The following SAXO5 variants were observed in gnomAD, a reference collection of about 807,000 sequenced individuals.
The protein encoded by SAXO5 is stabilizer of axonemal microtubules 5.
chr19:7,506,600 G>A, the SAXO5 span: 53 of 326,896 alleles, frequency 1.6e-4, no homozygotes, highest in African/African-American at 1.2e-3. Context: ...GACTCATCTG[G>A]CCCGGCCCCG....
At chr19:7,501,196 T>A in the SAXO5 span, 3 of 1,535,254 alleles carry the variant, frequency 2.0e-6, no homozygotes, top group Non-Finnish European at 2.6e-6. Context: ...GGGATCGGCC[T>A]CTCCAACGCG....
At chr19:7,501,610 T>A in the SAXO5 span, among the ~76,000 whole-genome samples, 1 of 149,848 alleles carries the variant, frequency 6.7e-6, no homozygotes, top group African/African-American at 2.5e-5. Flanking sequence ...TCGCTTGAGG[T>A]CAAGAGTTCG....
At chr19:7,505,464 G>A in the SAXO5 span, 239 of 1,613,264 alleles carry the variant, frequency 1.5e-4, no homozygotes, top group Non-Finnish European at 2.0e-4. Flanking sequence ...GCCCCGTCCC[G>A]CCTCCCACCG....
the SAXO5 span, chr19:7,505,495 G>A: frequency 6.2e-7 from 1 of 1,613,930 alleles, no homozygotes; most frequent in Non-Finnish European, 8.5e-7. Context: ...GGGCAGCTCT[G>A]CACCTGTTCC....
chr19:7,502,324 G>A, the SAXO5 span, among the ~76,000 whole-genome samples: 15 of 152,122 alleles, frequency 9.9e-5, no homozygotes, highest in Non-Finnish European at 1.8e-4. Context: ...TGCCCTGGCA[G>A]GTCTTGAACT....
chr19:7,505,444 C>T, the SAXO5 span: 1 of 1,613,966 alleles, frequency 6.2e-7, no homozygotes, highest in Non-Finnish European at 8.5e-7. Context: ...CAGGTGAGAG[C>T]CTGAGGCCCG....
the SAXO5 span, chr19:7,506,092 T>C: frequency 0.64 from 1,034,342 of 1,611,786 alleles, 334,495 homozygotes; most frequent in African/African-American, 0.74. Flanking sequence ...ACTACTGCCC[T>C]TCAGAGTGGA....
At chr19:7,498,646 C>T in the SAXO5 span, among the ~76,000 whole-genome samples, 2 of 152,216 alleles carry the variant, frequency 1.3e-5, no homozygotes, top group Non-Finnish European at 2.9e-5. Context: ...CTGCCCACCT[C>T]GGCCTCCCAA....
At chr19:7,501,180 C>T in the SAXO5 span, 2 of 1,520,970 alleles carry the variant, frequency 1.3e-6, no homozygotes, top group South Asian at 1.2e-5. Flanking sequence ...CGAGGACGCG[C>T]ACGCCGGGAT....
the SAXO5 span, chr19:7,501,234 C>CCGGCGCGCACCCGAGAGCGGATCCG: frequency 6.4e-7 from 1 of 1,554,308 alleles, no homozygotes; most frequent in East Asian, 2.5e-5. Context: ...GCCCGAGCTG[C>CCGGCGCGCACCCGAGAGCGGATCCG]CGGCGCGCAC....
At chr19:7,498,503 T>A in the SAXO5 span, among the ~76,000 whole-genome samples, 1 of 151,708 alleles carries the variant, frequency 6.6e-6, no homozygotes, top group Non-Finnish European at 1.5e-5. Flanking sequence ...TTCAAGCTAT[T>A]CTCCTGCCTC....
the SAXO5 span, chr19:7,507,063 T>C: frequency 2.5e-6 from 4 of 1,613,940 alleles, no homozygotes; most frequent in Admixed American, 1.7e-5. Context: ...CAGAATTCGA[T>C]TTTTTAACCA....
chr19:7,506,279 C>T, the SAXO5 span: 9 of 938,838 alleles, frequency 9.6e-6, no homozygotes, highest in Non-Finnish European at 1.5e-5. Flanking sequence ...CACGGAGCCC[C>T]GTCCCGGGAA....
At chr19:7,504,207 G>A in the SAXO5 span, 4 of 1,614,168 alleles carry the variant, frequency 2.5e-6, no homozygotes, top group East Asian at 2.2e-5. Flanking sequence ...AGGCCCACCT[G>A]CCTTGAGGTG....
chr19:7,506,664 C>T, the SAXO5 span: 2,396 of 352,364 alleles, frequency 6.8e-3, 17 homozygotes, highest in Non-Finnish European at 8.0e-3. Flanking sequence ...CCTAGCTCCT[C>T]CGTCCTCCTC....
the SAXO5 span, among the ~76,000 whole-genome samples, chr19:7,503,783 C>T: frequency 6.6e-6 from 1 of 151,966 alleles, no homozygotes. Flanking sequence ...CCACACCTGG[C>T]TGTATTTTTA....
At chr19:7,508,154 G>A in the SAXO5 span, 2 of 1,504,720 alleles carry the variant, frequency 1.3e-6, no homozygotes, top group Non-Finnish European at 1.8e-6. Flanking sequence ...GGACAGGGTG[G>A]ATCGGCCACC....
At chr19:7,505,931 G>A in the SAXO5 span, 2 of 1,532,736 alleles carry the variant, frequency 1.3e-6, no homozygotes, top group East Asian at 2.3e-5. Flanking sequence ...CCTCTCGGAC[G>A]CCGGAGCTTT....
the SAXO5 span, chr19:7,500,817 C>G: frequency 6.1e-6 from 9 of 1,463,552 alleles, no homozygotes; most frequent in Non-Finnish European, 8.1e-6. Flanking sequence ...TGGCTGGTGT[C>G]CCGCGATGGC....
Sources: allele counts gnomAD v4.1 joint callset (sites outside exome capture counted in the v4.1 genomes callset), GRCh38; gene constraint gnomAD v4.1.1; transcripts MANE v1.5; gene names NCBI Gene and HGNC (gene_info 2026-07-23, HGNC 2026-07-21).